The following AASDHPPT variants were observed in gnomAD, a reference collection of about 807,000 sequenced individuals.
AASDHPPT encodes L-aminoadipate-semialdehyde dehydrogenase-phosphopantetheinyl transferase.
In AASDHPPT, 23 loss-of-function variants were observed where a neutral mutation model predicts 36.4. The observed-to-expected ratio is 0.63, with a 90% CI of 0.45 to 0.89. The LOEUF is 0.89. Ranked by LOEUF, AASDHPPT falls within the 40% of genes least tolerant of loss-of-function variation. AASDHPPT has a pLI of 0.00. For missense variants in AASDHPPT, 377 were observed against 378.2 expected (o/e 1.00, Z 0.03); for synonymous variants, 115 against 128.0 (o/e 0.90, Z 0.68).
At chr11:106,096,391 C>A (rs1334131591) in intron 5 of AASDHPPT, among the ~76,000 whole-genome samples, 3 of 152,146 alleles carry the variant, frequency 2.0e-5, no homozygotes, top group African/African-American at 7.2e-5. Flanking sequence ...TCTCACTCAC[C>A]TCTATCAAAA....
intron 2 of AASDHPPT, among the ~76,000 whole-genome samples, chr11:106,081,182 T>C (rs1344019334): frequency 1.3e-5 from 2 of 152,202 alleles, no homozygotes; most frequent in African/African-American, 4.8e-5. Context: ...TCAGTGTGGT[T>C]GTGAATCTCT....
chr11:106,078,635 T>G (rs1861094804), intron 1 of AASDHPPT, among the ~76,000 whole-genome samples: 1 of 152,210 alleles, frequency 6.6e-6, no homozygotes, highest in African/African-American at 2.4e-5. Flanking sequence ...GTAGACTAGT[T>G]GATAATTTTT....
intron 2 of AASDHPPT, among the ~76,000 whole-genome samples, chr11:106,080,262 T>G (rs1861123817): frequency 1.3e-5 from 2 of 152,108 alleles, no homozygotes. Context: ...ATATGCAGGT[T>G]CCATAGGGCC....
Position 106,077,716 on chromosome 11 carries a change from T to G in AASDHPPT, c.6T>G (p.Val2=), listed in dbSNP as rs780068430. Residue 2 remains valine (V), a synonymous_variant, in exon 1 of 6, where the codon GTT becomes GTG. Coordinates refer to ENST00000278618, the MANE Select transcript of AASDHPPT (RefSeq NM_015423.3). M[V]FPAKRFCLVP... ...GCGAGGTCCGCTTTCAGTGTATGGT[T>G]TTCCCTGCCAAACGGTTCTGCTTGG... The G allele has an allele frequency of 1.2e-6, 2 of 1,613,546 alleles. No homozygotes were observed. Among genetic ancestry groups the G allele is most frequent in the Non-Finnish European group, 1.7e-6 (2 of 1,179,604 alleles).
rs1429264999 is a variant in AASDHPPT at position 106,094,600 on chromosome 11, G to A, written c.711G>A (p.Glu237=). 4 of 1,606,984 alleles carry A rather than the reference G, an allele frequency of 2.5e-6. No homozygotes were observed. The South Asian group carries it at 3.4e-5, about 13-fold the overall frequency. The change falls in exon 5 of 6, where the codon GAG becomes GAA. Residue 237 remains glutamate, a synonymous_variant. Transcript: ENST00000278618. Reference sequence around the variant, plus strand: ...TCTTTCAGGAAAGCAAAATAGATGAGCACCATTTTGTTGCAGTTGCTCTTA... The same window carrying A: ...TCTTTCAGGAAAGCAAAATAGATGAACACCATTTTGTTGCAGTTGCTCTTA... ...EWAFEESKID[E]HHFVAVALRK...
chr11:106,097,007 G>T lies in AASDHPPT; in HGVS notation c.*100G>T. On this transcript the variant is annotated 3_prime_UTR_variant, in exon 6 of 6. Coordinates refer to ENST00000278618, the MANE Select transcript of AASDHPPT (RefSeq NM_015423.3). ...TAGTATCAAATTTTATTTCACGAAA[G>T]TTTTTTTAAAGAACAGAAACTTTTC... 4 of 1,228,134 alleles carry T rather than the reference G, an allele frequency of 3.3e-6. No homozygotes were observed. The highest frequency in any genetic ancestry group is 2.2e-6 in the Non-Finnish European group (2 of 920,966). The allele number at this position is 1,228,134 out of a possible 1,614,324, so 76.1% of individuals were successfully genotyped here. A position where few individuals can be genotyped will look rare whatever the true frequency, so the allele number is the denominator to read the frequency against.
intron 2 of AASDHPPT, among the ~76,000 whole-genome samples, chr11:106,082,748 AG>A (rs1861156898): frequency 6.6e-6 from 1 of 152,182 alleles, no homozygotes; most frequent in African/African-American, 2.4e-5. Context: ...TCTTACTCTT[AG>A]GAAGAATGGT....
chr11:106,090,812 TG>T, intron 3 of AASDHPPT, 134 bp downstream of exon 3: 1 of 1,234,484 alleles, frequency 8.1e-7, no homozygotes. Flanking sequence ...GAGAATTTTA[TG>T]GTTTTTATGC....
At chr11:106,088,387 T>C (rs986575655) in intron 2 of AASDHPPT, among the ~76,000 whole-genome samples, 1 of 152,094 alleles carries the variant, frequency 6.6e-6, no homozygotes, top group Non-Finnish European at 1.5e-5. Flanking sequence ...TCTTTTTAAA[T>C]GCAGATTTTT....
intron 2 of AASDHPPT, among the ~76,000 whole-genome samples, chr11:106,083,273 GTAT>G (rs1397924434): frequency 8.5e-5 from 13 of 152,076 alleles, no homozygotes; most frequent in Non-Finnish European, 1.5e-4. Flanking sequence ...TGCCTAATAG[GTAT>G]TATTTCATCT....
chr11:106,078,322 C>T (rs1294312642), intron 1 of AASDHPPT, among the ~76,000 whole-genome samples: 1 of 152,096 alleles, frequency 6.6e-6, no homozygotes, highest in East Asian at 1.9e-4. Flanking sequence ...ACTCCCTGCA[C>T]GTGGTAGGCC....
chr11:106,096,060 C>T (rs1014957449), intron 5 of AASDHPPT, among the ~76,000 whole-genome samples: 4 of 152,150 alleles, frequency 2.6e-5, no homozygotes, highest in Admixed American at 2.6e-4. Context: ...ATTGTTTGCT[C>T]TTCCTGAGCC....
intron 5 of AASDHPPT, 99 bp from the exon 6 acceptor site, chr11:106,096,644 C>G: frequency 1.1e-6 from 1 of 952,372 alleles, no homozygotes; most frequent in Non-Finnish European, 1.5e-6. Context: ...TTTAATACTA[C>G]TGAAATGTAA....
At chr11:106,086,937 C>A (rs1292276865) in intron 2 of AASDHPPT, among the ~76,000 whole-genome samples, 1 of 152,212 alleles carries the variant, frequency 6.6e-6, no homozygotes, top group African/African-American at 2.4e-5. Flanking sequence ...AGGCTTCATG[C>A]TCTGTCCTCT....
At position 106,077,872 on chromosome 11, in the gene AASDHPPT, C is replaced by G. The variant is rs776086389; in HGVS notation, c.162C>G (p.Ala54=). ...AGCGCATTGGCCAGTTCGTCTTTGC[C>G]CGGGACGCTAAGGCAGCCATGGTAC... The part of the protein sequence containing the change: ...EKERIGQFVF[A]RDAKAAMAGR... Residue 54 remains alanine, a synonymous_variant, in exon 1 of 6, where the codon GCC becomes GCG. Transcript: ENST00000278618. The G allele has an allele frequency of 6.2e-7, 1 of 1,614,154 alleles. No homozygotes were observed. Among genetic ancestry groups the G allele is most frequent in the Non-Finnish European group, 8.5e-7 (1 of 1,179,978 alleles).
intron 2 of AASDHPPT, 152 bp from the exon 3 acceptor site, chr11:106,090,405 C>T (rs768660024): frequency 2.6e-5 from 14 of 534,544 alleles, no homozygotes; most frequent in South Asian, 6.4e-5. Flanking sequence ...TTTGACTTGC[C>T]GAGATTTTGT....
At chr11:106,083,818 G>A (rs1438198992) in intron 2 of AASDHPPT, among the ~76,000 whole-genome samples, 2 of 152,082 alleles carry the variant, frequency 1.3e-5, no homozygotes, top group African/African-American at 2.4e-5. Context: ...AAATATAGTT[G>A]ACTATGATGT....
chr11:106,082,829 C>T (rs952030860), intron 2 of AASDHPPT, among the ~76,000 whole-genome samples: 1 of 151,950 alleles, frequency 6.6e-6, no homozygotes, highest in South Asian at 2.1e-4. Flanking sequence ...CCTTTGTTTT[C>T]TAATTTTTTC....
chr11:106,083,790 GT>G (rs984227773), intron 2 of AASDHPPT, among the ~76,000 whole-genome samples: 33 of 152,156 alleles, frequency 2.2e-4, no homozygotes, highest in African/African-American at 7.7e-4. Flanking sequence ...AAATAAAAAA[GT>G]TTAAAATTTT....
Sources: allele counts gnomAD v4.1 joint callset (sites outside exome capture counted in the v4.1 genomes callset), GRCh38; gene constraint gnomAD v4.1.1; transcripts MANE v1.5; gene names NCBI Gene and HGNC (gene_info 2026-07-23, HGNC 2026-07-21).